The following LRRC55 variants were observed in gnomAD, a reference collection of about 807,000 sequenced individuals.
The protein encoded by LRRC55 is leucine rich repeat containing 55.
LRRC55 carries 11 observed loss-of-function variants against 20.5 expected under a neutral mutation model. That is an observed-to-expected ratio of 0.54 (90% confidence interval 0.34 to 0.89). The LOEUF is 0.89. Ranked by LOEUF, LRRC55 falls within the 40% of genes least tolerant of loss-of-function variation. The pLI is 0.02. For synonymous variants in LRRC55, 188 were observed against 166.6 expected, an observed-to-expected ratio of 1.13 and a Z score of -0.99; for missense variants, 358 against 390.9, an observed-to-expected ratio of 0.92 and a Z score of 0.71.
intron 1 of LRRC55, among the ~76,000 whole-genome samples, chr11:57,185,215 C>T (rs563247607): frequency 8.6e-5 from 13 of 150,580 alleles, no homozygotes; most frequent in African/African-American, 3.2e-4. Context: ...AAAATGTCTT[C>T]ATACTGACTC....
Position 57,187,628 on chromosome 11 carries a change from A to G in LRRC55, c.*148A>G. 1 of 767,748 alleles carries G rather than the reference A, an allele frequency of 1.3e-6. No individual in the cohort carries two copies. The highest frequency in any genetic ancestry group is 2.7e-5 in the East Asian group (1 of 37,348). The allele number at this position is 767,748 out of a possible 1,614,324, so 47.6% of individuals were successfully genotyped here. On this transcript the variant is annotated 3_prime_UTR_variant, in exon 2 of 2. Coordinates refer to ENST00000497933, the MANE Select transcript of LRRC55 (RefSeq NM_001005210.4). ...GTGGGGACACTCATTTTGTATGAGCATCTGCTTTGGGCCAGGCGGCACGCT... is the reference window on the plus strand; with the variant it reads ...GTGGGGACACTCATTTTGTATGAGCGTCTGCTTTGGGCCAGGCGGCACGCT...
chr11:57,185,507 T>C (rs1416271212), intron 1 of LRRC55, among the ~76,000 whole-genome samples: 2 of 118,870 alleles, frequency 1.7e-5, no homozygotes, highest in African/African-American at 3.9e-5. Flanking sequence ...TCTCAATCTC[T>C]TGACCTCATG....
In LRRC55 at chr11:57,187,511, G is replaced by C; in HGVS notation, c.*31G>C. The C allele has an allele frequency of 6.3e-7, 1 of 1,590,794 alleles. No homozygotes were observed. Among genetic ancestry groups the C allele is most frequent in the Non-Finnish European group, 8.6e-7 (1 of 1,165,652 alleles). ...CTGCCTCTCATCCCTCCATGCTGCT[G>C]ACCGCCACAGCTGCTGGCCACCAGA... On this transcript the variant is annotated 3_prime_UTR_variant, in exon 2 of 2. Transcript: ENST00000497933.
intron 1 of LRRC55, among the ~76,000 whole-genome samples, chr11:57,184,727 A>G (rs1295195044): frequency 2.0e-5 from 3 of 152,224 alleles, no homozygotes; most frequent in African/African-American, 7.2e-5. Context: ...CCCCTGGGAT[A>G]CAGCATGACT....
rs1213921486 is a variant in LRRC55 at position 57,188,731 on chromosome 11, A to G, written c.*1251A>G. 1 of 152,242 alleles carries G rather than the reference A, an allele frequency of 6.6e-6. No individual in the cohort carries two copies. Among genetic ancestry groups the G allele is most frequent in the Non-Finnish European group, 1.5e-5 (1 of 68,050 alleles). 9.4% of individuals were successfully genotyped at this position (152,242 alleles called of 1,614,324 possible). ...CCCATCCAAGTTGGGGAACATCACC[A>G]TTCCCTCTAGAGTTATATAAATTCA... On this transcript the variant is annotated 3_prime_UTR_variant, in exon 2 of 2. Transcript: ENST00000497933.
chr11:57,186,049 C>T (rs1214515192), intron 1 of LRRC55, among the ~76,000 whole-genome samples: 7 of 151,858 alleles, frequency 4.6e-5, no homozygotes, highest in Non-Finnish European at 7.4e-5. Flanking sequence ...TACGTTAACT[C>T]ACTGAATCCT....
chr11:57,185,561 A>G (rs1487144240), intron 1 of LRRC55, among the ~76,000 whole-genome samples: 1 of 151,922 alleles, frequency 6.6e-6, no homozygotes, highest in Non-Finnish European at 1.5e-5. Context: ...CTGGGATTAC[A>G]GGCATGAGCC....
chr11:57,189,644 T>C lies in LRRC55; in HGVS notation c.*2164T>C, dbSNP rs1024757088. On this transcript the variant is annotated 3_prime_UTR_variant, in exon 2 of 2. Transcript: ENST00000497933. ...AGATACTAAGAGAGCAAGAAAGCTA[T>C]AGGTGAGAACCTCTGCAGTTTAGGA... The C allele has an allele frequency of 3.9e-5, 6 of 152,260 alleles. No individual in the cohort carries two copies. The highest frequency in any genetic ancestry group is 1.4e-4 in the African/African-American group (6 of 41,450). 9.4% of individuals were successfully genotyped at this position (152,260 alleles called of 1,614,324 possible). A position where few individuals can be genotyped will look rare whatever the true frequency, so the allele number is the denominator to read the frequency against.
In LRRC55 at chr11:57,182,644, C is replaced by G; in HGVS notation, c.622C>G (p.Leu208Val). ...WVCGCTMEPL[L>V]KWLRNRIQRC... Reference sequence around the variant, plus strand: ...GTGTGGCTGCACCATGGAACCCCTGCTGAAGTGGCTGCGAAACCGGATCCA... The same window carrying G: ...GTGTGGCTGCACCATGGAACCCCTGGTGAAGTGGCTGCGAAACCGGATCCA... The change falls in exon 1 of 2, where the codon CTG (leucine) becomes GTG (valine). Residue 208 changes from leucine (L) to valine (V), a missense_variant. Transcript: ENST00000497933. The G allele has an allele frequency of 6.6e-7, 1 of 1,515,548 alleles. No individual in the cohort carries two copies. The allele number at this position is 1,515,548 out of a possible 1,614,324, so 93.9% of individuals were successfully genotyped here.
intron 1 of LRRC55, among the ~76,000 whole-genome samples, chr11:57,184,050 G>C (rs1565179630): frequency 6.6e-6 from 1 of 152,198 alleles, no homozygotes; most frequent in Non-Finnish European, 1.5e-5. Context: ...GGACTGAGTG[G>C]GGAGCCCAAG....
chr11:57,190,321 T>C lies in LRRC55; in HGVS notation c.*2841T>C, dbSNP rs1275261702. 6.6e-6 allele frequency: 1 copy of C among 152,208 alleles called. No homozygotes were observed. The highest frequency in any genetic ancestry group is 2.4e-5 in the African/African-American group (1 of 41,456). The allele number at this position is 152,208 out of a possible 1,614,324, so 9.4% of individuals were successfully genotyped here. A position where few individuals can be genotyped will look rare whatever the true frequency, so the allele number is the denominator to read the frequency against. ...GCCAAGCCTTTCTGAACAGGATACA[T>C]GGCTTTTAAAGGACAGATGTTTCTC... On this transcript the variant is annotated 3_prime_UTR_variant, in exon 2 of 2. Transcript: ENST00000497933.
Position 57,190,201 on chromosome 11 carries a change from T to C in LRRC55, c.*2721T>C, listed in dbSNP as rs556569717. 12 of 152,236 alleles carry C rather than the reference T, an allele frequency of 7.9e-5. No individual in the cohort carries two copies. The highest frequency in any genetic ancestry group is 1.6e-4 in the Non-Finnish European group (11 of 68,038). 9.4% of individuals were successfully genotyped at this position (152,236 alleles called of 1,614,324 possible). On this transcript the variant is annotated 3_prime_UTR_variant, in exon 2 of 2. Transcript: ENST00000497933. ...AATGTAGTTAATATATTTTAAGATA[T>C]ATGCTTTTTTGCATAGGACTAGAAC...
rs748542172 is a variant in LRRC55, at chr11:57,182,479, G to T, written c.457G>T (p.Val153Leu). The change falls in exon 1 of 2, where the codon GTG becomes TTG. Residue 153 changes from valine to leucine, a missense_variant. Physicochemically the swap from Val to Leu is conservative, Grantham distance 32 (BLOSUM62 1). Around this residue, in one of 3 missense-constraint regions of LRRC55, gnomAD observed 178 missense variants for 207.9 expected, o/e 0.86. Transcript: ENST00000497933. ...GAGCCACAACCCCTGGCTGCGGAGG[G>T]TGCATCCCCAGGCCTTTCAGGGCCT... ...DLSHNPWLRR[V>L]HPQAFQGLMQ... 2 of 1,609,372 alleles carry T rather than the reference G, an allele frequency of 1.2e-6. No homozygotes were observed. The highest frequency in any genetic ancestry group is 2.2e-5 in the South Asian group (2 of 90,996).
In LRRC55 at chr11:57,182,644, C is replaced by A. The variant is rs758436540; in HGVS notation, c.622C>A (p.Leu208Met). ...WVCGCTMEPL[L>M]KWLRNRIQRC... ...GTGTGGCTGCACCATGGAACCCCTG[C>A]TGAAGTGGCTGCGAAACCGGATCCA... is the stretch of plus-strand genomic sequence containing the variant. Residue 208 changes from leucine to methionine, a missense_variant, in exon 1 of 2, where the codon CTG becomes ATG. Physicochemically the swap from Leu to Met is conservative, Grantham distance 15. Transcript: ENST00000497933. 1.3e-6 allele frequency: 2 copies of A among 1,515,548 alleles called. No homozygotes were observed. The highest frequency in any genetic ancestry group is 4.6e-5 in the East Asian group (2 of 43,942). The allele number at this position is 1,515,548 out of a possible 1,614,324, so 93.9% of individuals were successfully genotyped here. A position where few individuals can be genotyped will look rare whatever the true frequency, so the allele number is the denominator to read the frequency against.
intron 1 of LRRC55, among the ~76,000 whole-genome samples, chr11:57,184,749 G>A (rs1227812883): frequency 6.6e-6 from 1 of 152,192 alleles, no homozygotes; most frequent in Non-Finnish European, 1.5e-5. Context: ...TAGGACTGGT[G>A]CCTTGACTTA....
At chr11:57,184,010 G>A (rs1854397441) in intron 1 of LRRC55, among the ~76,000 whole-genome samples, 1 of 152,228 alleles carries the variant, frequency 6.6e-6, no homozygotes, top group Non-Finnish European at 1.5e-5. Flanking sequence ...TTGAGAAGAA[G>A]CAATGCTGAA....
rs1854488627 is a variant in LRRC55 at position 57,190,119 on chromosome 11, T to C, written c.*2639T>C. 6.6e-6 allele frequency: 1 copy of C among 152,186 alleles called. No homozygotes were observed. Among genetic ancestry groups the C allele is most frequent in the Non-Finnish European group, 1.5e-5 (1 of 68,036 alleles). 9.4% of individuals were successfully genotyped at this position (152,186 alleles called of 1,614,324 possible). On this transcript the variant is annotated 3_prime_UTR_variant, in exon 2 of 2. Coordinates refer to ENST00000497933, the MANE Select transcript of LRRC55 (RefSeq NM_001005210.4). ...ATAATCCTGACAAAATAGAAAAGTT[T>C]CCCATAGGGGCATACCATAATACTA...
chr11:57,190,735 CA>C lies in LRRC55; in HGVS notation c.*3256del, dbSNP rs1311285156. The C allele has an allele frequency of 3.9e-5, 6 of 152,134 alleles. No homozygotes were observed. The highest frequency in any genetic ancestry group is 1.3e-4 in the Admixed American group (2 of 15,282). The allele number at this position is 152,134 out of a possible 1,614,324, so 9.4% of individuals were successfully genotyped here. ...GCATAAATAAGCATGCCTAAATAGG[CA>C]TATATAGGTTGGTGCAAAAGTAATT... is the stretch of plus-strand genomic sequence containing the variant. On this transcript the variant is annotated 3_prime_UTR_variant, in exon 2 of 2. Transcript: ENST00000497933.
At chr11:57,186,570 G>A (rs1854433760) in intron 1 of LRRC55, among the ~76,000 whole-genome samples, 2 of 152,202 alleles carry the variant, frequency 1.3e-5, no homozygotes, top group African/African-American at 4.8e-5. Flanking sequence ...AAAGGAAGTG[G>A]GGAGCTGAGC....
Sources: gnomAD v4.1 joint callset for allele counts (sites outside exome capture counted in the v4.1 genomes callset) on GRCh38, gnomAD v4.1.1 for gene constraint, gnomAD v4.1.1 regional missense constraint, MANE v1.5 for transcripts, NCBI Gene and HGNC (gene_info 2026-07-23, HGNC 2026-07-21) for gene names.